Variants in EGFLAM observed in about 807,000 individuals in gnomAD.
EGFLAM encodes pikachurin.
EGFLAM carries 79 observed loss-of-function variants against 113.1 expected under a neutral mutation model. The ratio of observed to expected loss-of-function variants is 0.70; its 90% CI spans 0.58 to 0.84. The LOEUF is 0.84. Ranked by LOEUF, EGFLAM falls within the 40% of genes least tolerant of loss-of-function variation. EGFLAM has a pLI of 0.00. For synonymous variants in EGFLAM, 504 were observed against 487.6 expected (o/e 1.03, Z -0.44); for missense variants, 1,265 against 1,291.6 (o/e 0.98, Z 0.32).
At chr5:38,328,723 G>GTTTTTTTTTTTTTTTTTTTTTTTATTT (rs3077265) in intron 1 of EGFLAM, among the ~76,000 whole-genome samples, 1 of 103,026 alleles carries the variant, frequency 9.7e-6, no homozygotes, top group Non-Finnish European at 1.9e-5. Flanking sequence ...AGCTATACTT[G>GTTTTTTTTTTTTTTTTTTTTTTTATTT]TTTTTTTTTT....
chr5:38,388,784 T>G (rs983644043), intron 6 of EGFLAM, among the ~76,000 whole-genome samples: 1 of 149,604 alleles, frequency 6.7e-6, no homozygotes, highest in Admixed American at 6.7e-5. Context: ...AAAAGTTAGC[T>G]GGGCTCAGTG....
chr5:38,428,939 C>T (rs1394918322), intron 14 of EGFLAM, among the ~76,000 whole-genome samples: 1 of 152,180 alleles, frequency 6.6e-6, no homozygotes, highest in African/African-American at 2.4e-5. Flanking sequence ...GCCCCCTTAT[C>T]CTATCCCCTC....
chr5:38,350,539 T>C lies in EGFLAM; in HGVS notation c.330T>C (p.Tyr110=), dbSNP rs750999105. The change falls in exon 4 of 22, where the codon TAT becomes TAC. Residue 110 remains tyrosine, a synonymous_variant. Transcript: ENST00000322350. The part of the protein sequence containing the change: ...VIGDLKPGTE[Y]RVSIAAYSQA... ...GAGATTTGAAACCAGGCACTGAATA[T>C]CGTGTGAGCATAGCAGCTTACAGCC... is the stretch of plus-strand genomic sequence containing the variant. The C allele has an allele frequency of 1.9e-6, 3 of 1,614,006 alleles. No homozygotes were observed. In the Admixed American group the frequency reaches 5.0e-5, roughly 27 times the overall value.
intron 5 of EGFLAM, among the ~76,000 whole-genome samples, chr5:38,354,565 C>G: frequency 6.6e-6 from 1 of 152,118 alleles, no homozygotes; most frequent in East Asian, 1.9e-4. Context: ...CCCATCTCTA[C>G]TAAAAATATA....
At chr5:38,371,569 G>C (rs1740212154) in intron 6 of EGFLAM, among the ~76,000 whole-genome samples, 1 of 151,896 alleles carries the variant, frequency 6.6e-6, no homozygotes, top group Non-Finnish European at 1.5e-5. Context: ...AAATTAAATT[G>C]TTGGGTTATA....
intron 19 of EGFLAM, among the ~76,000 whole-genome samples, chr5:38,456,314 G>C (rs974158365): frequency 2.0e-5 from 3 of 152,154 alleles, no homozygotes; most frequent in Non-Finnish European, 2.9e-5. Context: ...GGGGATCAAG[G>C]CAGGTCCGTT....
At chr5:38,409,930 C>G (rs1192202754) in intron 10 of EGFLAM, among the ~76,000 whole-genome samples, 5 of 152,060 alleles carry the variant, frequency 3.3e-5, no homozygotes, top group African/African-American at 9.7e-5. Flanking sequence ...CACTGCACCT[C>G]TTTGTGAACA....
intron 17 of EGFLAM, among the ~76,000 whole-genome samples, chr5:38,441,622 A>ACACACACG (rs754528278): frequency 1.3e-5 from 2 of 151,518 alleles, no homozygotes; most frequent in African/African-American, 4.9e-5. Flanking sequence ...ACACACACAC[A>ACACACACG]CGCATTCACG....
chr5:38,359,630 A>G (rs1739868790), intron 5 of EGFLAM, among the ~76,000 whole-genome samples: 1 of 152,194 alleles, frequency 6.6e-6, no homozygotes, highest in South Asian at 2.1e-4. Context: ...AACCTAGATC[A>G]TGCCACTGCG....
chr5:38,280,615 C>T (rs1560136), intron 1 of EGFLAM, among the ~76,000 whole-genome samples: 62,872 of 152,030 alleles, frequency 0.41, 13,555 homozygotes, highest in Middle Eastern at 0.56. Context: ...TCCGTGACAC[C>T]ACTCTCCAGT....
At chr5:38,311,438 G>A (rs914257533) in intron 1 of EGFLAM, among the ~76,000 whole-genome samples, 6 of 152,104 alleles carry the variant, frequency 3.9e-5, no homozygotes, top group Non-Finnish European at 8.8e-5. Flanking sequence ...GTGAGATCAT[G>A]CGATCTTTGT....
chr5:38,273,358 G>T (rs1428256), intron 1 of EGFLAM, among the ~76,000 whole-genome samples: 25,770 of 152,210 alleles, frequency 0.17, 2,337 homozygotes, highest in Non-Finnish European at 0.2. Context: ...CATAGCCCCT[G>T]CAAGATGGAC....
At chr5:38,260,136 T>C (rs1174846782) in intron 1 of EGFLAM, among the ~76,000 whole-genome samples, 1 of 152,220 alleles carries the variant, frequency 6.6e-6, no homozygotes, top group Admixed American at 6.5e-5. Flanking sequence ...CAAGGTAATA[T>C]CACATTAAAT....
chr5:38,276,825 G>A (rs1371506600), intron 1 of EGFLAM, among the ~76,000 whole-genome samples: 1 of 151,948 alleles, frequency 6.6e-6, no homozygotes, highest in Non-Finnish European at 1.5e-5. Flanking sequence ...AGAAAAAATG[G>A]ATAAATGGCC....
At chr5:38,427,380 A>G (rs1382264023) in intron 14 of EGFLAM, 128 bp downstream of exon 14, 2 of 1,414,478 alleles carry the variant, frequency 1.4e-6, no homozygotes, top group Non-Finnish European at 1.9e-6. Context: ...ATCTTCTGAA[A>G]CTTGTCCTGA....
At chr5:38,448,466 C>G (rs1742797945) in intron 18 of EGFLAM, 87 bp downstream of exon 18, 1 of 1,359,900 alleles carries the variant, frequency 7.4e-7, no homozygotes, top group Non-Finnish European at 1.0e-6. Flanking sequence ...ATATTTCATG[C>G]CAGAAGATAA....
chr5:38,448,417 G>T lies in EGFLAM; in HGVS notation c.2543+38G>T, dbSNP rs750612356. On this transcript the variant is annotated intron_variant, in intron 18 of 21. Transcript: ENST00000322350. Reference sequence around the variant, plus strand: ...AACAGGCACCTTCCTCAGCTTTCTGGGGGTAAATTTCTCTATATCTTTCTC... The same window carrying T: ...AACAGGCACCTTCCTCAGCTTTCTGTGGGTAAATTTCTCTATATCTTTCTC... 1.9e-6 allele frequency: 3 copies of T among 1,599,242 alleles called. No individual in the cohort carries two copies. In the African/African-American group the frequency reaches 4.0e-5, roughly 21 times the overall value.
chr5:38,328,723 G>GTTTTTTTTTTTTTTTTTTTTTTTTATTT (rs3077265), intron 1 of EGFLAM, among the ~76,000 whole-genome samples: 1 of 103,026 alleles, frequency 9.7e-6, no homozygotes, highest in Admixed American at 1.1e-4. Flanking sequence ...AGCTATACTT[G>GTTTTTTTTTTTTTTTTTTTTTTTTATTT]TTTTTTTTTT....
intron 5 of EGFLAM, among the ~76,000 whole-genome samples, chr5:38,360,055 C>G (rs995358291): frequency 6.6e-6 from 1 of 152,184 alleles, no homozygotes; most frequent in African/African-American, 2.4e-5. Flanking sequence ...TCTCTCCTTC[C>G]ATCTCATCAT....
Sources: gnomAD v4.1 joint callset for allele counts (sites outside exome capture counted in the v4.1 genomes callset) on GRCh38, gnomAD v4.1.1 for gene constraint, MANE v1.5 for transcripts, NCBI Gene and HGNC (gene_info 2026-07-23, HGNC 2026-07-21) for gene names.